The following CADM2 variants were observed in gnomAD, a reference collection of about 807,000 sequenced individuals.
The protein encoded by CADM2 is immunoglobulin superfamily member 4D.
Under a neutral mutation model 49.8 loss-of-function variants are expected in CADM2, and 12 were observed. That is an observed-to-expected ratio of 0.24 (90% confidence interval 0.15 to 0.39). The LOEUF (loss-of-function observed/expected upper bound fraction) is 0.39. Ranked by LOEUF, CADM2 falls within the 10% of genes least tolerant of loss-of-function variation. The pLI is 1.00. For synonymous variants in CADM2, 214 were observed against 175.4 expected (o/e 1.22, Z -1.74); for missense variants, 378 against 492.3 (o/e 0.77, Z 2.20).
At chr3:85,946,098 A>T (rs1374254109) in intron 7 of CADM2, among the ~76,000 whole-genome samples, 1 of 152,156 alleles carries the variant, frequency 6.6e-6, no homozygotes, top group African/African-American at 2.4e-5. Flanking sequence ...ATACAAAATC[A>T]ATGTACAAAA....
At chr3:85,468,202 T>C (rs186324958) in intron 1 of CADM2, among the ~76,000 whole-genome samples, 4 of 133,586 alleles carry the variant, frequency 3.0e-5, no homozygotes, top group Non-Finnish European at 6.3e-5. Flanking sequence ...GGAAAACTAA[T>C]ATCGATTCCT....
At chr3:85,141,133 T>C (rs2039564965) in intron 1 of CADM2, among the ~76,000 whole-genome samples, 1 of 152,190 alleles carries the variant, frequency 6.6e-6, no homozygotes, top group Admixed American at 6.5e-5. Context: ...AGTTATTTTA[T>C]GTAATACACT....
At chr3:85,776,711 T>A (rs1169424475) in intron 2 of CADM2, among the ~76,000 whole-genome samples, 1 of 152,126 alleles carries the variant, frequency 6.6e-6, no homozygotes, top group Non-Finnish European at 1.5e-5. Flanking sequence ...AATATTTCAA[T>A]ATAAGTGTTA....
At chr3:86,030,267 TG>T (rs1283694695) in intron 8 of CADM2, among the ~76,000 whole-genome samples, 4 of 152,070 alleles carry the variant, frequency 2.6e-5, no homozygotes, top group Non-Finnish European at 5.9e-5. Flanking sequence ...TTCGAGTTTC[TG>T]TTTTAAGGCA....
chr3:85,232,174 T>C (rs1263078665), intron 1 of CADM2, among the ~76,000 whole-genome samples: 1 of 151,152 alleles, frequency 6.6e-6, no homozygotes, highest in Admixed American at 6.6e-5. Context: ...TTTAGTGATT[T>C]TGTTCAGTTA....
intron 1 of CADM2, among the ~76,000 whole-genome samples, chr3:85,388,710 A>G (rs1394032135): frequency 6.6e-6 from 1 of 152,118 alleles, no homozygotes; most frequent in Non-Finnish European, 1.5e-5. Context: ...TAGCCAGGAA[A>G]TTCTGGCCAA....
chr3:85,162,659 C>G (rs2040362080), intron 1 of CADM2, among the ~76,000 whole-genome samples: 2 of 151,974 alleles, frequency 1.3e-5, no homozygotes, highest in African/African-American at 2.4e-5. Flanking sequence ...GACATCTATA[C>G]ACTGTTATTA....
intron 1 of CADM2, among the ~76,000 whole-genome samples, chr3:85,412,853 T>G (rs1010227746): frequency 1.1e-4 from 16 of 152,058 alleles, no homozygotes; most frequent in African/African-American, 3.9e-4. Flanking sequence ...TTATGAATTT[T>G]CCTTATTAAA....
At chr3:85,705,704 C>G (rs891462209) in intron 1 of CADM2, among the ~76,000 whole-genome samples, 2 of 152,180 alleles carry the variant, frequency 1.3e-5, no homozygotes, top group Admixed American at 6.5e-5. Context: ...TTCTACATAA[C>G]CTTCTGCCAT....
At chr3:85,318,490 T>A in intron 1 of CADM2, among the ~76,000 whole-genome samples, 1 of 151,882 alleles carries the variant, frequency 6.6e-6, no homozygotes, top group East Asian at 1.9e-4. Context: ...TTAGTAAAAT[T>A]GCCAAAAACC....
intron 1 of CADM2, among the ~76,000 whole-genome samples, chr3:85,529,159 C>A (rs1305890958): frequency 6.6e-6 from 1 of 152,096 alleles, no homozygotes; most frequent in Non-Finnish European, 1.5e-5. Context: ...GTCTTTGCTG[C>A]CTTCTGAGAT....
At chr3:84,997,463 A>G (rs2033238530) in intron 1 of CADM2, among the ~76,000 whole-genome samples, 1 of 152,058 alleles carries the variant, frequency 6.6e-6, no homozygotes, top group Non-Finnish European at 1.5e-5. Flanking sequence ...GTATTTAACA[A>G]CATAGAAAAT....
intron 3 of CADM2, among the ~76,000 whole-genome samples, chr3:85,882,517 CTACCTTTTAGAG>C (rs1712967061): frequency 6.6e-6 from 1 of 152,132 alleles, no homozygotes; most frequent in South Asian, 2.1e-4. Flanking sequence ...CTCACTCTTT[CTACCTTTTAGAG>C]TACTCTTTTA....
chr3:85,198,907 T>C (rs1322977897), intron 1 of CADM2, among the ~76,000 whole-genome samples: 1 of 151,896 alleles, frequency 6.6e-6, no homozygotes, highest in Non-Finnish European at 1.5e-5. Flanking sequence ...TTCAGTCTCT[T>C]ATTGTTCTGG....
At chr3:86,044,059 T>A (rs866009044) in intron 8 of CADM2, among the ~76,000 whole-genome samples, 9 of 152,232 alleles carry the variant, frequency 5.9e-5, no homozygotes, top group Middle Eastern at 3.4e-3. Flanking sequence ...CAAAAATAAA[T>A]TCAAGATGGA....
chr3:86,002,353 T>A (rs900427858), intron 8 of CADM2, among the ~76,000 whole-genome samples: 24 of 152,286 alleles, frequency 1.6e-4, no homozygotes, highest in African/African-American at 5.5e-4. Flanking sequence ...TCCCCTTTCA[T>A]TTATGCCATT....
chr3:85,275,314 CTT>C (rs1420605778), intron 1 of CADM2, among the ~76,000 whole-genome samples: 1 of 151,348 alleles, frequency 6.6e-6, no homozygotes, highest in Non-Finnish European at 1.5e-5. Context: ...AACTAAAATA[CTT>C]TTATATTATG....
chr3:85,196,244 TC>T (rs1225907113), intron 1 of CADM2, among the ~76,000 whole-genome samples: 2 of 152,062 alleles, frequency 1.3e-5, no homozygotes, highest in African/African-American at 4.8e-5. Flanking sequence ...AAAATTAGTG[TC>T]AAATTTATGA....
intron 8 of CADM2, among the ~76,000 whole-genome samples, chr3:85,983,867 A>G (rs1434534678): frequency 1.3e-5 from 2 of 151,394 alleles, no homozygotes; most frequent in Non-Finnish European, 3.0e-5. Context: ...GAAGTATAAC[A>G]GTTCATATAC....
Sources: allele counts gnomAD v4.1 joint callset (sites outside exome capture counted in the v4.1 genomes callset), GRCh38; gene constraint gnomAD v4.1.1; transcripts MANE v1.5; gene names NCBI Gene and HGNC (gene_info 2026-07-23, HGNC 2026-07-21).